GRIN2A: variants seen among roughly 807,000 people sequenced by gnomAD.
The protein encoded by GRIN2A is glutamate receptor ionotropic, NMDA 2A.
Under a neutral mutation model 113.4 loss-of-function variants are expected in GRIN2A, and 22 were observed. The ratio of observed to expected loss-of-function variants is 0.19; its 90% CI spans 0.14 to 0.28. The LOEUF (loss-of-function observed/expected upper bound fraction) is 0.28. Among genes scored for constraint, GRIN2A ranks in the 10% least tolerant of loss-of-function variants. GRIN2A has a pLI of 1.00. For missense variants in GRIN2A, 1,502 were observed against 1,887.0 expected, an observed-to-expected ratio of 0.80 and a Z score of 3.78; for synonymous variants, 827 against 738.4, an observed-to-expected ratio of 1.12 and a Z score of -1.94.
chr16:10,041,885 C>T (rs1036755639), intron 2 of GRIN2A, among the ~76,000 whole-genome samples: 3 of 152,204 alleles, frequency 2.0e-5, no homozygotes, highest in African/African-American at 4.8e-5. Context: ...AATCTGCAGT[C>T]ACCCCCTGGT....
intron 4 of GRIN2A, among the ~76,000 whole-genome samples, chr16:9,872,850 C>A (rs34030466): frequency 0.23 from 34,365 of 151,658 alleles, 4,042 homozygotes; most frequent in African/African-American, 0.25. Flanking sequence ...AGTAACATGG[C>A]GAAACCCTAT....
At chr16:9,832,357 G>T (rs1302662099) in intron 8 of GRIN2A, among the ~76,000 whole-genome samples, 5 of 152,010 alleles carry the variant, frequency 3.3e-5, no homozygotes, top group Admixed American at 2.6e-4. Flanking sequence ...AGATAAAATT[G>T]TATGTCACCC....
intron 2 of GRIN2A, among the ~76,000 whole-genome samples, chr16:10,094,525 C>T (rs530406103): frequency 2.4e-4 from 37 of 152,060 alleles, no homozygotes; most frequent in Non-Finnish European, 4.6e-4. Context: ...TCTCAGCTCA[C>T]TGCAACCTCC....
chr16:9,800,594 A>AT (rs145443153), intron 10 of GRIN2A, among the ~76,000 whole-genome samples: 57 of 151,810 alleles, frequency 3.8e-4, no homozygotes, highest in African/African-American at 1.1e-3. Flanking sequence ...CTTCATTTTA[A>AT]TTTTTTTTTG....
intron 2 of GRIN2A, among the ~76,000 whole-genome samples, chr16:10,162,058 T>C (rs1356512039): frequency 1.3e-5 from 2 of 152,172 alleles, no homozygotes; most frequent in Non-Finnish European, 2.9e-5. Flanking sequence ...TGGATGTCTT[T>C]GGGTGGGGAA....
At chr16:10,078,007 T>C (rs1188093783) in intron 2 of GRIN2A, among the ~76,000 whole-genome samples, 2 of 152,212 alleles carry the variant, frequency 1.3e-5, no homozygotes, top group African/African-American at 4.8e-5. Context: ...TAAGCCTCTT[T>C]TTCCTCATCT....
intron 2 of GRIN2A, among the ~76,000 whole-genome samples, chr16:9,965,413 G>T (rs1004388534): frequency 1.3e-5 from 2 of 152,210 alleles, no homozygotes; most frequent in Non-Finnish European, 2.9e-5. Context: ...ATCATTAAAA[G>T]TTGGGCAGTG....
intron 2 of GRIN2A, among the ~76,000 whole-genome samples, chr16:10,043,804 T>A (rs992245300): frequency 6.6e-6 from 1 of 152,000 alleles, no homozygotes; most frequent in Non-Finnish European, 1.5e-5. Context: ...TGAGCCTAGA[T>A]ATTACAGCAT....
At chr16:9,964,761 T>C (rs892638640) in intron 2 of GRIN2A, among the ~76,000 whole-genome samples, 8 of 152,168 alleles carry the variant, frequency 5.3e-5, no homozygotes, top group African/African-American at 1.4e-4. Flanking sequence ...CAGGATTAAG[T>C]TGGTCCCACC....
chr16:10,152,141 C>T (rs573169026), intron 2 of GRIN2A, among the ~76,000 whole-genome samples: 8 of 152,162 alleles, frequency 5.3e-5, no homozygotes, highest in South Asian at 2.1e-4. Context: ...CCTAGGACTG[C>T]GCAAAAAAAT....
chr16:9,862,165 A>G (rs2043080313), intron 4 of GRIN2A, among the ~76,000 whole-genome samples: 1 of 152,230 alleles, frequency 6.6e-6, no homozygotes, highest in Admixed American at 6.5e-5. Flanking sequence ...CATAAGAACA[A>G]GATGGAAATC....
chr16:9,807,232 G>C (rs2041989914), intron 10 of GRIN2A, among the ~76,000 whole-genome samples: 1 of 64,248 alleles, frequency 1.6e-5, no homozygotes, highest in Non-Finnish European at 3.1e-5. Context: ...GGAAAAAGTG[G>C]GGGGAGAGAG....
chr16:10,092,221 AT>A (rs1399105479), intron 2 of GRIN2A, among the ~76,000 whole-genome samples: 2 of 152,280 alleles, frequency 1.3e-5, no homozygotes, highest in African/African-American at 2.4e-5. Context: ...TTTAGGAATA[AT>A]TTTTTTAGAG....
Position 9,890,031 on chromosome 16 carries a change from T to C in GRIN2A, c.1122+955A>G, listed in dbSNP as rs147289779. The stretch of plus-strand genomic sequence containing the variant: ...AGAGTCAATGCTTCTGTTTGTATAG[T>C]ATTTCCCCCTGATTTCAGTCAATTA... On this transcript the variant is annotated intron_variant, in intron 4 of 12. Transcript: ENST00000330684. Among the ~76,000 whole-genome samples the C allele has an allele frequency of 2.0e-4, 30 of 152,282 alleles. No homozygotes were observed. The East Asian group carries it at 3.5e-3, about 18-fold the overall frequency.
At chr16:9,905,736 C>A (rs2044014618) in intron 3 of GRIN2A, among the ~76,000 whole-genome samples, 1 of 152,074 alleles carries the variant, frequency 6.6e-6, no homozygotes, top group African/African-American at 2.4e-5. Flanking sequence ...GTTTCCCTGG[C>A]CATAAAAATA....
At chr16:9,779,084 A>T (rs572982564) in intron 11 of GRIN2A, among the ~76,000 whole-genome samples, 3 of 152,354 alleles carry the variant, frequency 2.0e-5, no homozygotes, top group East Asian at 3.9e-4. Flanking sequence ...CTAGTGGTAC[A>T]TAAAAGGGAA....
chr16:10,174,554 A>G (rs1266550162), intron 2 of GRIN2A, among the ~76,000 whole-genome samples: 1 of 152,222 alleles, frequency 6.6e-6, no homozygotes, highest in Non-Finnish European at 1.5e-5. Flanking sequence ...CATATTTTTT[A>G]ATCTTTGAAG....
At chr16:9,854,417 G>A (rs1335764872) in intron 4 of GRIN2A, among the ~76,000 whole-genome samples, 3 of 152,000 alleles carry the variant, frequency 2.0e-5, no homozygotes, top group Non-Finnish European at 4.4e-5. Flanking sequence ...GAGTATTCAG[G>A]GAGAAAGAAA....
chr16:10,117,078 T>C (rs1596523944), intron 2 of GRIN2A, among the ~76,000 whole-genome samples: 1 of 148,940 alleles, frequency 6.7e-6, no homozygotes, highest in Non-Finnish European at 1.5e-5. Flanking sequence ...AAAAAAAAAG[T>C]AGCTAAGCTT....
Sources: gnomAD v4.1 joint callset for allele counts (sites outside exome capture counted in the v4.1 genomes callset) on GRCh38, gnomAD v4.1.1 for gene constraint, MANE v1.5 for transcripts, NCBI Gene and HGNC (gene_info 2026-07-23, HGNC 2026-07-21) for gene names.